The following TAF1B variants were observed in gnomAD, a reference collection of about 807,000 sequenced individuals.
TAF1B encodes the protein TATA box-binding protein-associated factor RNA polymerase I subunit B.
In TAF1B, 61 loss-of-function variants were observed where a neutral mutation model predicts 83.9. The ratio of observed to expected loss-of-function variants is 0.73; its 90% CI spans 0.59 to 0.90. TAF1B has a LOEUF of 0.90. Ranked by LOEUF, TAF1B falls within the 40% of genes least tolerant of loss-of-function variation. TAF1B has a pLI of 0.00. For missense variants in TAF1B, 625 were observed against 677.0 expected (o/e 0.92, Z 0.85); for synonymous variants, 221 against 224.6 (o/e 0.98, Z 0.14).
chr2:9,907,749 C>T (rs1196040364), intron 9 of TAF1B, among the ~76,000 whole-genome samples: 1 of 151,960 alleles, frequency 6.6e-6, no homozygotes, highest in Admixed American at 6.6e-5. Flanking sequence ...TCCAAAGTGC[C>T]CATATATAAA....
At chr2:9,853,884 T>A (rs73163617) in intron 4 of TAF1B, among the ~76,000 whole-genome samples, 1 of 152,180 alleles carries the variant, frequency 6.6e-6, no homozygotes, top group African/African-American at 2.4e-5. Context: ...CTTAATTTAC[T>A]TAATATGCAG....
At chr2:9,876,417 G>A (rs865830002) in intron 7 of TAF1B, among the ~76,000 whole-genome samples, 17 of 152,322 alleles carry the variant, frequency 1.1e-4, no homozygotes, top group Middle Eastern at 3.4e-3. Context: ...GGTGTTAAGA[G>A]CTAAAATATA....
At chr2:9,885,675 T>G (rs974963114) in intron 8 of TAF1B, among the ~76,000 whole-genome samples, 22 of 152,210 alleles carry the variant, frequency 1.4e-4, no homozygotes, top group African/African-American at 5.1e-4. Flanking sequence ...ACTTTTGCAT[T>G]AGCTATCAGC....
Position 9,868,286 on chromosome 2 carries a change from A to G in TAF1B, c.410A>G (p.Asp137Gly). The change falls in exon 6 of 15, where the codon GAT (aspartate) becomes GGT (glycine). Residue 137 changes from aspartate to glycine, a missense_variant. Transcript: ENST00000263663. ...TTGTTTTGCAAACAGGTATTAGAAG[A>G]TAATCTAAGTCATTCAGACTGGGCT... is the stretch of plus-strand genomic sequence containing the variant. ...TTGRKPTVLE[D>G]NLSHSDWASE... is the part of the protein sequence containing the mutation. The G allele has an allele frequency of 6.2e-7, 1 of 1,614,046 alleles. No individual in the cohort carries two copies. The highest frequency in any genetic ancestry group is 8.5e-7 in the Non-Finnish European group (1 of 1,179,994).
At chr2:9,898,747 A>C (rs453568) in intron 8 of TAF1B, among the ~76,000 whole-genome samples, 42,443 of 152,096 alleles carry the variant, frequency 0.28, 6,899 homozygotes, top group Middle Eastern at 0.4. Flanking sequence ...TATTTCCCCC[A>C]AAAGTGTATT....
intron 14 of TAF1B, among the ~76,000 whole-genome samples, chr2:9,927,199 C>T (rs1666068778): frequency 6.6e-6 from 1 of 152,162 alleles, no homozygotes; most frequent in Non-Finnish European, 1.5e-5. Flanking sequence ...AGGTCATGAA[C>T]TCATCCTTTT....
chr2:9,929,142 T>TTTTTTGTTGTTGTTG (rs71391176), intron 14 of TAF1B, among the ~76,000 whole-genome samples: 2 of 151,030 alleles, frequency 1.3e-5, no homozygotes, highest in African/African-American at 4.9e-5. Context: ...ATTGGTTCTG[T>TTTTTTGTTGTTGTTG]TTGTTGTTGT....
At chr2:9,904,724 C>A (rs1665288354) in intron 8 of TAF1B, 135 bp from the exon 9 acceptor site, 2 of 834,432 alleles carry the variant, frequency 2.4e-6, no homozygotes, top group East Asian at 5.4e-5. Context: ...CATAAGTGTT[C>A]CTTTTTCTGC....
In TAF1B at chr2:9,911,428, A is replaced by G. The variant is rs1228674915; in HGVS notation, c.1134-83A>G. 5 of 1,106,102 alleles carry G rather than the reference A, an allele frequency of 4.5e-6. No homozygotes were observed. The East Asian group carries it at 1.3e-4, about 30-fold the overall frequency. 68.5% of individuals were successfully genotyped at this position (1,106,102 alleles called of 1,614,324 possible). A position where few individuals can be genotyped will look rare whatever the true frequency, so the allele number is the denominator to read the frequency against. On this transcript the variant is annotated intron_variant, in intron 10 of 14. Transcript: ENST00000263663. The stretch of plus-strand genomic sequence containing the variant: ...GTATCAATTTCAAATACTGTTCTAC[A>G]CTTTTCTCTCAGAAGAATTCAGAAT...
intron 4 of TAF1B, chr2:9,851,876 T>C (rs892854888): frequency 6.3e-5 from 40 of 635,444 alleles, no homozygotes; most frequent in Non-Finnish European, 1.2e-4. Flanking sequence ...TTCAGATACT[T>C]AGGAAACAAC....
intron 2 of TAF1B, among the ~76,000 whole-genome samples, chr2:9,847,604 T>A (rs975412355): frequency 2.6e-5 from 4 of 152,088 alleles, no homozygotes; most frequent in African/African-American, 9.7e-5. Context: ...CCTTCCAGAT[T>A]GATAAAGGAA....
Position 9,914,831 on chromosome 2 carries a change from A to G in TAF1B, c.1271+1582A>G, listed in dbSNP as rs933622215. 2.0e-5 allele frequency among the ~76,000 whole-genome samples: 3 copies of G among 152,134 alleles called. No homozygotes were observed. Among genetic ancestry groups the G allele is most frequent in the Admixed American group, 6.5e-5 (1 of 15,280 alleles). On this transcript the variant is annotated intron_variant, in intron 12 of 14. Transcript: ENST00000263663. The surrounding 1 kb of genome is among the most constrained non-coding windows in gnomAD (Gnocchi z 4.3). ...GCAGTGTGAGTCACTGCTGAGTAAT[A>G]TGCGAAGCACTACCAACTGCTGCTC...
chr2:9,854,145 A>G (rs1663484392), intron 4 of TAF1B, among the ~76,000 whole-genome samples, 181 bp from the exon 5 acceptor site: 1 of 152,186 alleles, frequency 6.6e-6, no homozygotes, highest in Non-Finnish European at 1.5e-5. Context: ...CAATGTTCTG[A>G]TAGATGCTAC....
intron 6 of TAF1B, 115 bp from the exon 7 acceptor site, chr2:9,875,750 A>G (rs12611655): frequency 0.29 from 310,928 of 1,084,916 alleles, 46,874 homozygotes; most frequent in East Asian, 0.33. Context: ...GATTTGGGTG[A>G]GGACACAGCC....
At chr2:9,932,063 C>T (rs574015656) in intron 14 of TAF1B, among the ~76,000 whole-genome samples, 5 of 152,252 alleles carry the variant, frequency 3.3e-5, no homozygotes, top group South Asian at 2.1e-4. Context: ...GTTAGCCATT[C>T]GTCTAATCTT....
chr2:9,850,835 A>C (rs570831977), intron 3 of TAF1B, among the ~76,000 whole-genome samples: 2 of 152,280 alleles, frequency 1.3e-5, no homozygotes, highest in African/African-American at 4.8e-5. Flanking sequence ...GGTAGTTTTG[A>C]GTATTCCAGA....
intron 6 of TAF1B, among the ~76,000 whole-genome samples, chr2:9,875,512 C>T (rs2125150857): frequency 6.6e-6 from 1 of 152,264 alleles, no homozygotes; most frequent in South Asian, 2.1e-4. Context: ...GCTGGGAGTG[C>T]CTCACAATCA....
intron 5 of TAF1B, among the ~76,000 whole-genome samples, chr2:9,856,050 G>T (rs1449927513): frequency 6.6e-6 from 1 of 152,186 alleles, no homozygotes; most frequent in African/African-American, 2.4e-5. Flanking sequence ...ATTTGGCCCA[G>T]TGTTTCCTTG....
intron 2 of TAF1B, 150 bp downstream of exon 2, chr2:9,845,468 A>C: frequency 1.7e-6 from 1 of 587,966 alleles, no homozygotes. Context: ...TTAGGTACTT[A>C]CACATAGGTT....
Sources: gnomAD v4.1 joint callset for allele counts (sites outside exome capture counted in the v4.1 genomes callset) on GRCh38, gnomAD v4.1.1 for gene constraint, Gnocchi (gnomAD v3.1) non-coding constraint, MANE v1.5 for transcripts, NCBI Gene and HGNC (gene_info 2026-07-23, HGNC 2026-07-21) for gene names.